Variants in PDGFA observed in about 807,000 individuals in gnomAD.
PDGFA encodes platelet-derived growth factor subunit A.
PDGFA carries 9 observed loss-of-function variants against 25.6 expected under a neutral mutation model. The ratio of observed to expected loss-of-function variants is 0.35; its 90% confidence interval spans 0.21 to 0.61. The LOEUF (loss-of-function observed/expected upper bound fraction) is 0.61, where lower values mean the gene tolerates loss of function less well. PDGFA is among the 20% of genes least tolerant of loss of function. The probability of loss-of-function intolerance (pLI) is 0.75; values close to 1 mark genes in which losing one functional copy is unlikely to be tolerated. For synonymous variants in PDGFA, 133 were observed against 111.8 expected (o/e 1.19, Z -1.20); for missense variants, 242 against 272.8 (o/e 0.89, Z 0.79).
exon 6 of PDGFA, chr7:497,738 T>C (rs1388186684): frequency 6.6e-6 from 1 of 151,916 alleles, no homozygotes; most frequent in Non-Finnish European, 1.5e-5. Flanking sequence ...AAATGATGCA[T>C]AGGTAGGTAT....
chr7:515,563 A>G (rs79911730), intron 2 of PDGFA, among the ~76,000 whole-genome samples: 17,149 of 152,086 alleles, frequency 0.11, 1,075 homozygotes, highest in Middle Eastern at 0.23. Flanking sequence ...CAGGGGCAAG[A>G]GAGGAGGTAG....
chr7:509,265 T>C (rs1015067004), intron 4 of PDGFA, among the ~76,000 whole-genome samples: 1 of 152,214 alleles, frequency 6.6e-6, no homozygotes, highest in Non-Finnish European at 1.5e-5. Flanking sequence ...GGAGGTGGGG[T>C]GTCTTAAGGT....
chr7:518,900 G>A, intron 1 of PDGFA, 39 bp downstream of exon 1: 1 of 1,410,948 alleles, frequency 7.1e-7, no homozygotes, highest in Non-Finnish European at 9.5e-7. Flanking sequence ...GTGCGCCGGA[G>A]GAGCCGGCGC....
At chr7:501,281 T>A in intron 4 of PDGFA, 39 bp from the exon 5 acceptor site, 1 of 1,612,216 alleles carries the variant, frequency 6.2e-7, no homozygotes, top group Non-Finnish European at 8.5e-7. Context: ...AATGCCTGCA[T>A]GGAGCTTCGG....
intron 2 of PDGFA, among the ~76,000 whole-genome samples, chr7:514,074 G>A (rs532725282): frequency 2.0e-5 from 3 of 152,180 alleles, no homozygotes; most frequent in Non-Finnish European, 2.9e-5. Flanking sequence ...TTCTCCACTC[G>A]TAGGAGAAAA....
intron 3 of PDGFA, 103 bp downstream of exon 3, chr7:512,248 G>A: frequency 9.0e-7 from 1 of 1,109,432 alleles, no homozygotes; most frequent in South Asian, 1.5e-5. Context: ...TGCGCTGGGA[G>A]AGCGGGCAGC....
chr7:518,879 C>A (rs994474316), intron 1 of PDGFA, 60 bp downstream of exon 1: 3 of 1,194,068 alleles, frequency 2.5e-6, no homozygotes, highest in African/African-American at 3.2e-5. Flanking sequence ...GCGCCCCAGC[C>A]GGCGGGGGGT....
chr7:512,092 GC>G (rs1782878518), intron 3 of PDGFA, among the ~76,000 whole-genome samples: 1 of 152,196 alleles, frequency 6.6e-6, no homozygotes, highest in South Asian at 2.1e-4. Context: ...AGCTCTCTTG[GC>G]CCAGACCAGG....
rs1782327604 is a variant in PDGFA, at chr7:501,300, A to G, written c.454-58T>C. On this transcript the variant is annotated intron_variant, in intron 4 of 5. Coordinates refer to ENST00000402802, the Ensembl canonical transcript of PDGFA. ...CCTGCATGGAGCTTCGGACATCACG[A>G]CGTGCTGGGAGCCGGGGACAGGCTG... The G allele has an allele frequency of 1.9e-6, 3 of 1,605,990 alleles. No individual in the cohort carries two copies. The African/African-American group carries it at 4.0e-5, about 21-fold the overall frequency.
chr7:499,037 A>C (rs1417778571), intron 5 of PDGFA, among the ~76,000 whole-genome samples: 7 of 152,218 alleles, frequency 4.6e-5, no homozygotes, highest in Admixed American at 4.6e-4. Flanking sequence ...CAATTCTTCC[A>C]CATCCCATGT....
chr7:512,172 G>A (rs1782881713), intron 3 of PDGFA, among the ~76,000 whole-genome samples, 179 bp downstream of exon 3: 1 of 152,228 alleles, frequency 6.6e-6, no homozygotes, highest in Non-Finnish European at 1.5e-5. Context: ...GGAGAGGCCA[G>A]AGCCAGAGGC....
At chr7:498,229 A>G (rs1782179947) in exon 6 of PDGFA, 2 of 356,336 alleles carry the variant, frequency 5.6e-6, no homozygotes, top group Non-Finnish European at 5.2e-6. Flanking sequence ...CTGCACTTCC[A>G]TCCCACGGGG....
In PDGFA at chr7:517,107, C is replaced by A. The variant is rs896476070; in HGVS notation, c.160+287G>T. Among the ~76,000 whole-genome samples, 1 of 151,584 alleles carries A rather than the reference C, an allele frequency of 6.6e-6. No homozygotes were observed. The highest frequency in any genetic ancestry group is 1.5e-5 in the Non-Finnish European group (1 of 67,854). On this transcript the variant is annotated intron_variant, in intron 2 of 5. Coordinates refer to ENST00000402802, the Ensembl canonical transcript of PDGFA. The surrounding 1 kb of genome is among the most constrained non-coding windows in gnomAD (Gnocchi z 7.4). ...CCGGCCCGAGGGCAGGCGCGGGGCC[C>A]GCACACCTGGCGGAGGCCGCGGCTG...
At chr7:497,949 A>AAC (rs1782139956) in exon 6 of PDGFA, 1 of 113,752 alleles carries the variant, frequency 8.8e-6, no homozygotes, top group Non-Finnish European at 1.9e-5. Flanking sequence ...TAAAAAAAAA[A>AAC]AAAAAAAAAC....
At chr7:519,771 C>G (rs955321341), upstream of PDGFA, among the ~76,000 whole-genome samples, 1 of 148,348 alleles carries the variant, frequency 6.7e-6, no homozygotes, top group Non-Finnish European at 1.5e-5. Context: ...CCGCAGCCGC[C>G]GCCGGGAGAG....
exon 1 of PDGFA, chr7:519,151 G>A (rs909761662): frequency 9.5e-6 from 5 of 528,140 alleles, no homozygotes; most frequent in Non-Finnish European, 1.6e-5. Context: ...CTGGCGGAGC[G>A]CGCCCGGCGC....
At chr7:511,534 G>C (rs1782852386) in intron 3 of PDGFA, among the ~76,000 whole-genome samples, 1 of 152,160 alleles carries the variant, frequency 6.6e-6, no homozygotes, top group Admixed American at 6.5e-5. Context: ...ATGTCACCTG[G>C]GGAGGGCCTG....
At position 517,223 on chromosome 7, in the gene PDGFA, T is replaced by C. The variant is rs1429712439; in HGVS notation, c.160+171A>G. Among the ~76,000 whole-genome samples the C allele has an allele frequency of 1.3e-5, 2 of 150,954 alleles. No homozygotes were observed. The highest frequency in any genetic ancestry group is 2.4e-5 in the African/African-American group (1 of 41,086). On this transcript the variant is annotated intron_variant, in intron 2 of 5. Transcript: ENST00000402802. The surrounding 1 kb of genome is among the most constrained non-coding windows in gnomAD (Gnocchi z 7.4). ...CCTCGGCCGCCGCTGGGAGAGAAAG[T>C]GGAGACTGGAAGAGAAACTCCTGAC... is the stretch of plus-strand genomic sequence containing the variant.
Position 517,522 on chromosome 7 carries a change from C to T in PDGFA, c.64-32G>A, listed in dbSNP as rs917968352. The T allele has an allele frequency of 7.5e-6, 8 of 1,063,466 alleles. No individual in the cohort carries two copies. Among genetic ancestry groups the T allele is most frequent in the African/African-American group, 3.4e-5 (2 of 58,614 alleles). The allele number at this position is 1,063,466 out of a possible 1,614,324, so 65.9% of individuals were successfully genotyped here. A position where few individuals can be genotyped will look rare whatever the true frequency, so the allele number is the denominator to read the frequency against. ...GCAGAGGCCACACGGTCAGCGCCCG[C>T]GGCCCCGACCCCGCCGGCACGCGCC... is the stretch of plus-strand genomic sequence containing the variant. On this transcript the variant is annotated intron_variant, in intron 1 of 5. Transcript: ENST00000402802. This position sits in a 1 kb window ranked among gnomAD's most constrained non-coding sequence, Gnocchi z 7.4.
Sources: gnomAD v4.1 joint callset for allele counts (sites outside exome capture counted in the v4.1 genomes callset) on GRCh38, gnomAD v4.1.1 for gene constraint, Gnocchi (gnomAD v3.1) non-coding constraint, MANE v1.5 for transcripts, NCBI Gene and HGNC (gene_info 2026-07-23, HGNC 2026-07-21) for gene names.